TYMP: variants seen among roughly 807,000 people sequenced by gnomAD.
TYMP encodes gliostatin.
A neutral mutation model predicts 42.3 loss-of-function variants in TYMP; 46 were observed. That is an observed-to-expected ratio of 1.09 (90% CI 0.86 to 1.39). The LOEUF (loss-of-function observed/expected upper bound fraction) is 1.39. TYMP is among the 40% of genes most tolerant of loss of function. The pLI is 0.00. For missense variants in TYMP, 837 were observed against 677.6 expected, an observed-to-expected ratio of 1.24 and a Z score of -2.61; for synonymous variants, 363 against 308.0, an observed-to-expected ratio of 1.18 and a Z score of -1.87.
chr22:50,528,986 GGAGAAC>G, intron 3 of TYMP, 144 bp downstream of exon 3: 1 of 791,448 alleles, frequency 1.3e-6, no homozygotes, highest in Non-Finnish European at 2.1e-6. Context: ...AACGGGGTGG[GGAGAAC>G]TGTGCTGGGG....
At chr22:50,528,467 T>TC (rs1294569195) in intron 4 of TYMP, 45 bp downstream of exon 4, 2 of 1,514,460 alleles carry the variant, frequency 1.3e-6, no homozygotes, top group Non-Finnish European at 1.8e-6. Flanking sequence ...GGCCAGGGTC[T>TC]CCATCATCAA....
chr22:50,529,851 C>T (rs1459845877), intron 1 of TYMP, 53 bp downstream of exon 1: 2 of 785,698 alleles, frequency 2.5e-6, no homozygotes, highest in African/African-American at 1.7e-5. Context: ...GTGTCGCCCT[C>T]GTCCGTGTCT....
Position 50,528,581 on chromosome 22 carries a change from C to T in TYMP, c.447G>A (p.Gly149=). ...GCTTATCCAAGGTGCCTCCTGTGTGCCCCAGACCACGTCCGCTGATCATTG... is the reference window on the plus strand; with the variant it reads ...GCTTATCCAAGGTGCCTCCTGTGTGTCCCAGACCACGTCCGCTGATCATTG... ...KVPMISGRGL[G]HTGGTLDKLE... is the part of the protein sequence containing the mutation. The change falls in exon 4 of 10, where the codon GGG becomes GGA. Residue 149 remains glycine, a synonymous_variant. Transcript: ENST00000252029. 1 of 1,613,806 alleles carries T rather than the reference C, an allele frequency of 6.2e-7. No individual in the cohort carries two copies. Among genetic ancestry groups the T allele is most frequent in the Non-Finnish European group, 8.5e-7 (1 of 1,179,960 alleles).
Position 50,527,260 on chromosome 22 carries a change from C to T in TYMP, c.670G>A (p.Val224Met). 3 of 1,613,650 alleles carry T rather than the reference C, an allele frequency of 1.9e-6. No individual in the cohort carries two copies. Among genetic ancestry groups the T allele is most frequent in the South Asian group, 1.1e-5 (1 of 91,082 alleles). ...ACCACCAGAGCGGACAGCCCCTCCACGAGTTTCTTACTGAGAATGGAGGCT... is the reference window on the plus strand; with the variant it reads ...ACCACCAGAGCGGACAGCCCCTCCATGAGTTTCTTACTGAGAATGGAGGCT... Reference protein sequence around the residue: ...ITASILSKKLVEGLSALVVDV... With the variant: ...ITASILSKKLMEGLSALVVDV... The change falls in exon 6 of 10, where the codon GTG (valine) becomes ATG (methionine). Residue 224 changes from valine to methionine, a missense_variant. Transcript: ENST00000252029.
rs1409289034 is a variant in TYMP, at chr22:50,528,506, C to T, written c.516+6G>A. On this transcript the variant is annotated splice_donor_region_variant and intron_variant, in intron 4 of 9. Coordinates refer to ENST00000252029, the MANE Select transcript of TYMP (RefSeq NM_001953.5). ...GGATTAATGACTGATCCGTGGCGCCCCGTACCTGCTCTGGGCTCTGGATGA... is the reference window on the plus strand; with the variant it reads ...GGATTAATGACTGATCCGTGGCGCCTCGTACCTGCTCTGGGCTCTGGATGA... 6.2e-7 allele frequency: 1 copy of T among 1,613,130 alleles called. No individual in the cohort carries two copies. Among genetic ancestry groups the T allele is most frequent in the Admixed American group, 1.7e-5 (1 of 59,956 alleles).
At position 50,528,582 on chromosome 22, in the gene TYMP, C is replaced by A; in HGVS notation, c.446G>T (p.Gly149Val). 6.2e-7 allele frequency: 1 copy of A among 1,613,866 alleles called. No homozygotes were observed. The highest frequency in any genetic ancestry group is 8.5e-7 in the Non-Finnish European group (1 of 1,179,974). Residue 149 changes from glycine (G) to valine (V), a missense_variant, in exon 4 of 10, where the codon GGG becomes GTG. Coordinates refer to ENST00000252029, the MANE Select transcript of TYMP (RefSeq NM_001953.5). ...CTTATCCAAGGTGCCTCCTGTGTGC[C>A]CCAGACCACGTCCGCTGATCATTGG... ...KVPMISGRGLGHTGGTLDKLE... is the reference protein window; with the variant it reads ...KVPMISGRGLVHTGGTLDKLE...
chr22:50,529,150 C>G lies in TYMP; in HGVS notation c.403G>C (p.Ala135Pro). Residue 135 changes from alanine (A) to proline (P), a missense_variant, in exon 3 of 10, where the codon GCA becomes CCA. Coordinates refer to ENST00000252029, the MANE Select transcript of TYMP (RefSeq NM_001953.5). ...VSLVLAPALA[A>P]CGCKVPMISG... The stretch of plus-strand genomic sequence containing the variant: ...TGGTTTCTAACCTTGCAGCCACATG[C>G]CGCCAGGGCAGGTGCGAGGACCAGG... 1 of 1,613,182 alleles carries G rather than the reference C, an allele frequency of 6.2e-7. No homozygotes were observed. The highest frequency in any genetic ancestry group is 8.5e-7 in the Non-Finnish European group (1 of 1,180,002).
At chr22:50,527,863 C>T in intron 4 of TYMP, 146 bp from the exon 5 acceptor site, 1 of 983,896 alleles carries the variant, frequency 1.0e-6, no homozygotes, top group Non-Finnish European at 1.5e-6. Flanking sequence ...GTGACCTCTG[C>T]CTCCTGGGCT....
rs2069372271 is a variant in TYMP at position 50,526,306 on chromosome 22, C to G, written c.1099G>C (p.Glu367Gln). The change falls in exon 8 of 10, where the codon GAA becomes CAA. Residue 367 changes from glutamate (E) to glutamine (Q), a missense_variant. Coordinates refer to ENST00000252029, the MANE Select transcript of TYMP (RefSeq NM_001953.5). Reference protein sequence around the residue: ...ARALCSGSPAERRQLLPRARE... With the variant: ...ARALCSGSPAQRRQLLPRARE... ...GCGCGAGGCAGCAGCTGCCGGCGTT[C>G]TGCGGGACTTCCCGAGCACAGGGCT... The G allele has an allele frequency of 1.9e-6, 3 of 1,559,306 alleles. No homozygotes were observed. The highest frequency in any genetic ancestry group is 2.6e-6 in the Non-Finnish European group (3 of 1,163,018).
chr22:50,525,950 G>T (rs1273457739), intron 9 of TYMP, 32 bp from the exon 10 acceptor site: 3 of 1,413,478 alleles, frequency 2.1e-6, no homozygotes, highest in Non-Finnish European at 2.7e-6. Context: ...GAGGCCGCGC[G>T]GCCGGAGCTG....
At position 50,526,015 on chromosome 22, in the gene TYMP, T is replaced by A. The variant is rs534302884; in HGVS notation, c.1286A>T (p.Gln429Leu). The A allele has an allele frequency of 1.4e-6, 2 of 1,465,878 alleles. No homozygotes were observed. Among genetic ancestry groups the A allele is most frequent in the South Asian group, 1.3e-5 (1 of 76,650 alleles). The allele number at this position is 1,465,878 out of a possible 1,614,324, so 90.8% of individuals were successfully genotyped here. A position where few individuals can be genotyped will look rare whatever the true frequency, so the allele number is the denominator to read the frequency against. ...VGAELLVDVG[Q>L]RLRRGTPWLR... ...GCGGCGCTCACCACGGCGCAGCCTCTGACCCACGTCGACCAGCAGCTCTGC... is the reference window on the plus strand; with the variant it reads ...GCGGCGCTCACCACGGCGCAGCCTCAGACCCACGTCGACCAGCAGCTCTGC... The change falls in exon 9 of 10, where the codon CAG becomes CTG. Residue 429 changes from glutamine (Q) to leucine (L), a missense_variant. Physicochemically the swap from Gln to Leu is moderately radical, Grantham distance 113 (BLOSUM62 -2). Coordinates refer to ENST00000252029, the MANE Select transcript of TYMP (RefSeq NM_001953.5).
In TYMP at chr22:50,527,687, A is replaced by G; in HGVS notation, c.547T>C (p.Cys183Arg). The change falls in exon 5 of 10, where the codon TGT becomes CGT. Residue 183 changes from cysteine to arginine, a missense_variant. Transcript: ENST00000252029. ...MQVLLDQAGC[C>R]IVGQSEQLVP... is the part of the protein sequence containing the mutation. ...AGCTGCTCACTCTGACCCACGATACAGCAGCCCGCCTGGTCCAGCAGCACT... is the reference window on the plus strand; with the variant it reads ...AGCTGCTCACTCTGACCCACGATACGGCAGCCCGCCTGGTCCAGCAGCACT... 6.2e-7 allele frequency: 1 copy of G among 1,613,678 alleles called. No individual in the cohort carries two copies. The highest frequency in any genetic ancestry group is 1.3e-5 in the African/African-American group (1 of 74,916).
At chr22:50,530,042 C>T (rs1202613779), upstream of TYMP, 3 of 338,092 alleles carry the variant, frequency 8.9e-6, no homozygotes, top group Non-Finnish European at 1.6e-5. Flanking sequence ...CGCCCCAGGA[C>T]GGCAGGCGGG....
At chr22:50,528,023 G>C in intron 4 of TYMP, 1 of 413,288 alleles carries the variant, frequency 2.4e-6, no homozygotes, top group Non-Finnish European at 4.4e-6. Context: ...CTGCCTCCCA[G>C]AGTGCTGGGA....
intron 5 of TYMP, 107 bp downstream of exon 5, chr22:50,527,481 G>A (rs756864629): frequency 2.6e-6 from 4 of 1,560,636 alleles, no homozygotes; most frequent in Non-Finnish European, 3.5e-6. Context: ...TGGGGGTAGG[G>A]GGGCACACGG....
chr22:50,528,506 C>A lies in TYMP; in HGVS notation c.516+6G>T. 1 of 1,613,248 alleles carries A rather than the reference C, an allele frequency of 6.2e-7. No individual in the cohort carries two copies. The highest frequency in any genetic ancestry group is 1.1e-5 in the South Asian group (1 of 90,952). ...GGATTAATGACTGATCCGTGGCGCC[C>A]CGTACCTGCTCTGGGCTCTGGATGA... is the stretch of plus-strand genomic sequence containing the variant. On this transcript the variant is annotated splice_donor_region_variant and intron_variant, in intron 4 of 9. Coordinates refer to ENST00000252029, the MANE Select transcript of TYMP (RefSeq NM_001953.5).
chr22:50,527,490 G>A (rs769142470), intron 5 of TYMP, 98 bp downstream of exon 5: 20 of 1,582,836 alleles, frequency 1.3e-5, no homozygotes, highest in South Asian at 2.2e-5. Flanking sequence ...GGGGGCACAC[G>A]GTCAGGTGAC....
chr22:50,526,231 T>TC lies in TYMP; in HGVS notation c.1159+14dup, dbSNP rs776542745. On this transcript the variant is annotated intron_variant, in intron 8 of 9. Transcript: ENST00000252029. ...ATGGCGGAGGCGGAAGGACGGGGAC[T>TC]CCCCCGACGCTCACCATCTGCGGGC... 97 of 1,522,516 alleles carry TC rather than the reference T, an allele frequency of 6.4e-5. No homozygotes were observed. Among genetic ancestry groups the TC allele is most frequent in the Admixed American group, 2.4e-4 (12 of 50,708 alleles). 94.3% of individuals were successfully genotyped at this position (1,522,516 alleles called of 1,614,324 possible). A position where few individuals can be genotyped will look rare whatever the true frequency, so the allele number is the denominator to read the frequency against.
rs773255548 is a variant in TYMP at position 50,526,565 on chromosome 22, G to A, written c.928+11C>T. 1 of 1,503,124 alleles carries A rather than the reference G, an allele frequency of 6.7e-7. No homozygotes were observed. Among genetic ancestry groups the A allele is most frequent in the South Asian group, 1.2e-5 (1 of 84,134 alleles). The allele number at this position is 1,503,124 out of a possible 1,614,324, so 93.1% of individuals were successfully genotyped here. A position where few individuals can be genotyped will look rare whatever the true frequency, so the allele number is the denominator to read the frequency against. On this transcript the variant is annotated intron_variant, in intron 7 of 9. Transcript: ENST00000252029. ...CGCCGCCTCCGCTCCCCTACACCCC[G>A]TCCCCCTCACCGAGCGTGGTGACCA...
Sources: allele counts gnomAD v4.1 joint callset, GRCh38; gene constraint gnomAD v4.1.1; transcripts MANE v1.5; gene names NCBI Gene and HGNC (gene_info 2026-07-23, HGNC 2026-07-21).